Variants in SLC22A23 observed in about 807,000 individuals in gnomAD.
SLC22A23 encodes solute carrier family 22 member 23.
A neutral mutation model predicts 61.0 loss-of-function variants in SLC22A23; 26 were observed. The observed-to-expected ratio is 0.43, with a 90% CI of 0.31 to 0.59. The LOEUF (loss-of-function observed/expected upper bound fraction) is 0.59, where lower values mean the gene tolerates loss of function less well. SLC22A23 is among the 20% of genes least tolerant of loss of function. The probability of loss-of-function intolerance (pLI) is 0.11; values close to 1 mark genes in which losing one functional copy is unlikely to be tolerated. For missense variants in SLC22A23, 796 were observed against 934.7 expected, an observed-to-expected ratio of 0.85 and a Z score of 1.94; for synonymous variants, 430 against 413.9, an observed-to-expected ratio of 1.04 and a Z score of -0.47.
intron 3 of SLC22A23, among the ~76,000 whole-genome samples, chr6:3,376,834 G>C (rs775555571): frequency 6.6e-6 from 1 of 152,086 alleles, no homozygotes; most frequent in Admixed American, 6.5e-5. Context: ...CTGGGAGGGT[G>C]GGGGAGATGG....
intron 3 of SLC22A23, among the ~76,000 whole-genome samples, chr6:3,338,437 C>CCGGG (rs1391442460): frequency 2.6e-5 from 4 of 152,260 alleles, no homozygotes; most frequent in African/African-American, 9.6e-5. Context: ...TCAAGTGATT[C>CCGGG]TCCTGCCTCA....
At chr6:3,428,006 A>G (rs1387820466) in intron 1 of SLC22A23, among the ~76,000 whole-genome samples, 1 of 152,212 alleles carries the variant, frequency 6.6e-6, no homozygotes, top group African/African-American at 2.4e-5. Context: ...AAGCGGACTG[A>G]GAGGCAGCTC....
chr6:3,282,426 G>T, intron 9 of SLC22A23: 1 of 634,394 alleles, frequency 1.6e-6, no homozygotes, highest in Non-Finnish European at 2.8e-6. Context: ...TGTAGGATAC[G>T]ATCCAAGAGA....
intron 3 of SLC22A23, among the ~76,000 whole-genome samples, chr6:3,395,109 C>A (rs1767920815): frequency 6.6e-6 from 1 of 152,186 alleles, no homozygotes; most frequent in African/African-American, 2.4e-5. Context: ...TGGCAGTCTA[C>A]AGAAGTTTTA....
chr6:3,450,812 G>C (rs1216832226), intron 1 of SLC22A23, among the ~76,000 whole-genome samples: 1 of 152,182 alleles, frequency 6.6e-6, no homozygotes, highest in African/African-American at 2.4e-5. Flanking sequence ...GTCATCATAT[G>C]ATAACTAGGA....
intron 4 of SLC22A23, among the ~76,000 whole-genome samples, chr6:3,306,737 AC>A (rs1396126047): frequency 2.6e-5 from 4 of 151,938 alleles, no homozygotes; most frequent in Non-Finnish European, 2.9e-5. Context: ...CAAGACCTAA[AC>A]CCCAGGTGGG....
Position 3,287,692 on chromosome 6 carries a change from G to GT in SLC22A23, c.1314-602dup, listed in dbSNP as rs1263105734. Among the ~76,000 whole-genome samples the GT allele has an allele frequency of 4.1e-3, 568 of 137,024 alleles. 6 individuals carry two copies. The highest frequency in any genetic ancestry group is 7.4e-3 in the Middle Eastern group (2 of 270). The allele number at this position is 137,024 out of a possible 152,430, so 89.9% of individuals were successfully genotyped here. A position where few individuals can be genotyped will look rare whatever the true frequency, so the allele number is the denominator to read the frequency against. On this transcript the variant is annotated intron_variant, in intron 6 of 9. Coordinates refer to ENST00000406686, the MANE Select transcript of SLC22A23 (RefSeq NM_015482.2). ...AGGAAACTGTTTTTTTTTTTGTTTT[G>GT]TTTTGTTTTTGAGTAGAGCCGTGTT...
intron 6 of SLC22A23, among the ~76,000 whole-genome samples, chr6:3,289,211 C>T (rs935122033): frequency 2.4e-4 from 37 of 152,234 alleles, no homozygotes; most frequent in African/African-American, 1.2e-4. Flanking sequence ...AAAGAACCTG[C>T]GTGAGTGATG....
At chr6:3,381,708 G>A (rs1766964528) in intron 3 of SLC22A23, among the ~76,000 whole-genome samples, 1 of 152,132 alleles carries the variant, frequency 6.6e-6, no homozygotes. Context: ...TTTCTTACAG[G>A]CTTATGGTGA....
At chr6:3,326,087 G>A (rs993008026) in intron 3 of SLC22A23, among the ~76,000 whole-genome samples, 4 of 152,210 alleles carry the variant, frequency 2.6e-5, no homozygotes, top group African/African-American at 9.7e-5. Context: ...AAGGGATCAT[G>A]AGGCCACTTC....
chr6:3,383,989 T>C (rs1241219686), intron 3 of SLC22A23, among the ~76,000 whole-genome samples: 7 of 152,210 alleles, frequency 4.6e-5, no homozygotes, highest in Admixed American at 1.3e-4. Context: ...CCCTCAGGTT[T>C]CTGCTGGGTT....
chr6:3,443,352 G>A (rs59859816), intron 1 of SLC22A23, among the ~76,000 whole-genome samples: 9,083 of 152,242 alleles, frequency 0.06, 344 homozygotes, highest in African/African-American at 0.098. Context: ...AGGGGTGGGA[G>A]TGACAATTGG....
intron 1 of SLC22A23, among the ~76,000 whole-genome samples, chr6:3,452,373 G>A (rs916577053): frequency 1.3e-5 from 2 of 152,004 alleles, no homozygotes; most frequent in African/African-American, 4.8e-5. Context: ...CAGAAGGACA[G>A]CTTGAGGCCA....
chr6:3,279,748 C>T (rs989034151), intron 9 of SLC22A23, among the ~76,000 whole-genome samples: 10 of 152,022 alleles, frequency 6.6e-5, no homozygotes, highest in African/African-American at 2.4e-4. Flanking sequence ...GGGCAGCATA[C>T]GCCCGTGTTT....
intron 3 of SLC22A23, among the ~76,000 whole-genome samples, chr6:3,405,089 T>C (rs534182229): frequency 1.3e-5 from 2 of 151,828 alleles, no homozygotes; most frequent in Admixed American, 1.3e-4. Context: ...TGAAACCCTG[T>C]CTCTACTAAA....
chr6:3,340,439 CAG>C (rs1561909658), intron 3 of SLC22A23, among the ~76,000 whole-genome samples: 1 of 152,166 alleles, frequency 6.6e-6, no homozygotes, highest in African/African-American at 2.4e-5. Context: ...GTAACCGCAG[CAG>C]AGTCTATGAC....
intron 3 of SLC22A23, among the ~76,000 whole-genome samples, chr6:3,350,534 G>A (rs1476078068): frequency 6.6e-6 from 1 of 152,238 alleles, no homozygotes; most frequent in African/African-American, 2.4e-5. Context: ...TGCAGTAGCA[G>A]GGAGTAGTAG....
At chr6:3,280,753 C>A (rs1426163574) in intron 9 of SLC22A23, among the ~76,000 whole-genome samples, 5 of 152,154 alleles carry the variant, frequency 3.3e-5, no homozygotes, top group African/African-American at 1.2e-4. Flanking sequence ...GCCTCAGCCT[C>A]CCAAAGTGCT....
At chr6:3,362,440 A>AAAAAAAAAAAAAAAAAAAAAC in intron 3 of SLC22A23, among the ~76,000 whole-genome samples, 1 of 137,160 alleles carries the variant, frequency 7.3e-6, no homozygotes, top group Non-Finnish European at 1.5e-5. Flanking sequence ...AAAAAATAAA[A>AAAAAAAAAAAAAAAAAAAAAC]ATTAGCATGC....
Sources: allele counts gnomAD v4.1 joint callset (sites outside exome capture counted in the v4.1 genomes callset), GRCh38; gene constraint gnomAD v4.1.1; transcripts MANE v1.5; gene names NCBI Gene and HGNC (gene_info 2026-07-23, HGNC 2026-07-21).